The following DLGAP2 variants were observed in gnomAD, a reference collection of about 807,000 sequenced individuals.
The protein encoded by DLGAP2 is disks large-associated protein 2.
In DLGAP2, 26 loss-of-function variants were observed where a neutral mutation model predicts 100.3. That is an observed-to-expected ratio of 0.26 (90% CI 0.19 to 0.36). DLGAP2 has a LOEUF of 0.36. Among genes scored for constraint, DLGAP2 ranks in the 10% least tolerant of loss-of-function variants. The probability of loss-of-function intolerance (pLI) is 1.00; values close to 1 mark genes in which losing one functional copy is unlikely to be tolerated. For missense variants in DLGAP2, 1,858 were observed against 1,453.2 expected, an observed-to-expected ratio of 1.28 and a Z score of -4.53; for synonymous variants, 886 against 630.1, an observed-to-expected ratio of 1.41 and a Z score of -6.08.
intron 2 of DLGAP2, among the ~76,000 whole-genome samples, chr8:947,052 A>G (rs1409221294): frequency 6.6e-6 from 1 of 152,176 alleles, no homozygotes; most frequent in Non-Finnish European, 1.5e-5. Flanking sequence ...GCTCCCAGGA[A>G]GGCGCCTCCC....
chr8:1,581,546 G>A (rs1280046941), intron 6 of DLGAP2, among the ~76,000 whole-genome samples: 1 of 140,696 alleles, frequency 7.1e-6, no homozygotes, highest in African/African-American at 2.7e-5. Flanking sequence ...ACACACCACA[G>A]TCAAACTACC....
intron 6 of DLGAP2, among the ~76,000 whole-genome samples, chr8:1,568,613 TCAC>T (rs1802516968): frequency 4.2e-5 from 2 of 47,556 alleles, no homozygotes; most frequent in African/African-American, 1.7e-4. Flanking sequence ...ATGCCACTGT[TCAC>T]TCAGCAGACA....
chr8:870,740 C>A (rs575490434), intron 1 of DLGAP2, among the ~76,000 whole-genome samples: 1 of 152,158 alleles, frequency 6.6e-6, no homozygotes, highest in Non-Finnish European at 1.5e-5. Context: ...TTCCCTGAGC[C>A]CCTGGAGTGG....
intron 2 of DLGAP2, among the ~76,000 whole-genome samples, chr8:1,178,597 A>G (rs1358112551): frequency 6.6e-6 from 1 of 152,102 alleles, no homozygotes; most frequent in Non-Finnish European, 1.5e-5. Context: ...TTTTTTAGGT[A>G]AGCTTAGCTC....
intron 3 of DLGAP2, among the ~76,000 whole-genome samples, chr8:1,277,707 C>T (rs1314361441): frequency 1.3e-5 from 2 of 152,124 alleles, no homozygotes; most frequent in African/African-American, 4.8e-5. Context: ...GCAGCAGCTG[C>T]ACCGAGGTCG....
intron 5 of DLGAP2, among the ~76,000 whole-genome samples, chr8:1,554,067 C>T (rs1224058163): frequency 2.0e-5 from 3 of 152,164 alleles, no homozygotes; most frequent in Non-Finnish European, 4.4e-5. Flanking sequence ...GCAGGTGGAT[C>T]ACCTGAGGTC....
intron 5 of DLGAP2, among the ~76,000 whole-genome samples, chr8:1,550,114 T>C (rs1394097707): frequency 6.6e-6 from 1 of 152,198 alleles, no homozygotes; most frequent in African/African-American, 2.4e-5. Flanking sequence ...AGAGGGACCA[T>C]GTGGCCTCTA....
intron 1 of DLGAP2, among the ~76,000 whole-genome samples, chr8:817,356 T>A (rs1164781833): frequency 6.6e-6 from 1 of 152,156 alleles, no homozygotes; most frequent in African/African-American, 2.4e-5. Context: ...CTGAAGAAGG[T>A]TTCTTTCATA....
chr8:1,381,023 T>A (rs1796081799), intron 3 of DLGAP2: 1 of 151,486 alleles, frequency 6.6e-6, no homozygotes, highest in Non-Finnish European at 1.5e-5. Flanking sequence ...TATTTATATT[T>A]TACTTAAATA....
chr8:1,373,225 G>A (rs1802290547), intron 3 of DLGAP2, among the ~76,000 whole-genome samples: 1 of 151,304 alleles, frequency 6.6e-6, no homozygotes, highest in African/African-American at 2.5e-5. Context: ...AAGACTCTGT[G>A]CTGGAGAAAG....
At chr8:1,421,876 G>A (rs1797096016) in intron 3 of DLGAP2, among the ~76,000 whole-genome samples, 1 of 152,166 alleles carries the variant, frequency 6.6e-6, no homozygotes, top group African/African-American at 2.4e-5. Context: ...TGAGGCAGGA[G>A]AATCACTTGA....
chr8:1,022,384 A>G (rs1259511069), intron 2 of DLGAP2, among the ~76,000 whole-genome samples: 2 of 147,774 alleles, frequency 1.4e-5, no homozygotes, highest in African/African-American at 5.1e-5. Context: ...CTGGGAGTGG[A>G]CAGTCCCGTG....
chr8:865,109 C>T (rs1352227960), intron 1 of DLGAP2, among the ~76,000 whole-genome samples: 1 of 152,116 alleles, frequency 6.6e-6, no homozygotes, highest in African/African-American at 2.4e-5. Flanking sequence ...CCTGTAGGAC[C>T]CCCAGGGAAC....
chr8:1,335,170 C>G (rs558669656), intron 3 of DLGAP2, among the ~76,000 whole-genome samples: 2 of 152,096 alleles, frequency 1.3e-5, no homozygotes, highest in Non-Finnish European at 2.9e-5. Context: ...TTCTTGGGAG[C>G]GACAAAGCAG....
intron 6 of DLGAP2, among the ~76,000 whole-genome samples, chr8:1,569,766 A>C (rs1263410540): frequency 6.6e-6 from 1 of 152,346 alleles, no homozygotes; most frequent in South Asian, 2.1e-4. Flanking sequence ...CTCAGCCCCA[A>C]GCCCCGTGGC....
At chr8:997,757 C>A (rs571504304) in intron 2 of DLGAP2, among the ~76,000 whole-genome samples, 6 of 152,154 alleles carry the variant, frequency 3.9e-5, no homozygotes, top group Non-Finnish European at 5.9e-5. Context: ...AGTACTATTC[C>A]TGCGTTTTCT....
Position 1,549,442 on chromosome 8 carries a change from C to A in DLGAP2, c.989C>A (p.Ala330Glu). 1 of 1,613,466 alleles carries A rather than the reference C, an allele frequency of 6.2e-7. No homozygotes were observed. The highest frequency in any genetic ancestry group is 8.5e-7 in the Non-Finnish European group (1 of 1,179,778). ...LGPVAHCYPD[A>E]LQSPFGDLSL... is the part of the protein sequence containing the mutation. ...CCCGTGGCCCACTGCTACCCCGACGCGCTGCAGAGCCCCTTCGGGGACCTG... is the reference window on the plus strand; with the variant it reads ...CCCGTGGCCCACTGCTACCCCGACGAGCTGCAGAGCCCCTTCGGGGACCTG... The change falls in exon 5 of 15, where the codon GCG (alanine) becomes GAG (glutamate). Residue 330 changes from alanine (A) to glutamate (E), a missense_variant. Ala to Glu is a moderately radical substitution (Grantham distance 107, BLOSUM62 -1). Transcript: ENST00000637795.
At position 1,182,473 on chromosome 8, in the gene DLGAP2, G is replaced by A. The variant is rs146459053; in HGVS notation, c.74-76378G>A. Among the ~76,000 whole-genome samples the A allele has an allele frequency of 4.4e-3, 672 of 152,320 alleles. 2 individuals are homozygous for A. Among genetic ancestry groups the A allele is most frequent in the South Asian group, 6.2e-3 (30 of 4,816 alleles). On this transcript the variant is annotated intron_variant, in intron 2 of 14. Transcript: ENST00000637795. ...ATGAGATGTGGGTTGCTGAATTCTC[G>A]TAGCCCTAACAGAATTGTGTCACTA...
chr8:968,415 TCACAGGAAGTC>T (rs891169304), intron 2 of DLGAP2, among the ~76,000 whole-genome samples: 6 of 152,128 alleles, frequency 3.9e-5, no homozygotes, highest in African/African-American at 1.2e-4. Context: ...GTGGAGGTGT[TCACAGGAAGTC>T]CACAGGGAGG....
Sources: allele counts gnomAD v4.1 joint callset (sites outside exome capture counted in the v4.1 genomes callset), GRCh38; gene constraint gnomAD v4.1.1; transcripts MANE v1.5; gene names NCBI Gene and HGNC (gene_info 2026-07-23, HGNC 2026-07-21).